The following ZBBX variants were observed in gnomAD, a reference collection of about 807,000 sequenced individuals.
The protein encoded by ZBBX is zinc finger B-box domain containing, also known as zinc finger B-box domain-containing protein 1.
Under a neutral mutation model 108.5 loss-of-function variants are expected in ZBBX, and 101 were observed. That is an observed-to-expected ratio of 0.93 (90% CI 0.79 to 1.10). The LOEUF is 1.10. Among genes scored for constraint, ZBBX ranks in the 50% least tolerant of loss-of-function variants. The pLI is 0.00. For missense variants in ZBBX, 1,009 were observed against 941.4 expected (o/e 1.07, Z -0.94); for synonymous variants, 356 against 323.4 (o/e 1.10, Z -1.08).
At position 167,350,474 on chromosome 3, in the gene ZBBX, A is replaced by C; in HGVS notation, c.474T>G (p.Phe158Leu). 6.3e-7 allele frequency: 1 copy of C among 1,596,964 alleles called. No individual in the cohort carries two copies. The highest frequency in any genetic ancestry group is 8.6e-7 in the Non-Finnish European group (1 of 1,169,336). The stretch of plus-strand genomic sequence containing the variant: ...GTGCCCCTTTCTGGTGAACTTTAGC[A>C]AAGCATCCTGAACAATAATCTTCTC... ...ECGEDYCSGC[F>L]AKVHQKGALK... The change falls in exon 9 of 22, where the codon TTT (phenylalanine) becomes TTG (leucine). Residue 158 changes from phenylalanine to leucine, a missense_variant. Transcript: ENST00000675490.
At chr3:167,186,608 T>C in the ZBBX span, among the ~76,000 whole-genome samples, 2 of 152,188 alleles carry the variant, frequency 1.3e-5, no homozygotes, top group African/African-American at 4.8e-5. Flanking sequence ...TTAATTCCTT[T>C]GCTTCAGAAG....
chr3:167,370,270 T>A (rs1262083372), intron 4 of ZBBX, among the ~76,000 whole-genome samples: 3 of 152,116 alleles, frequency 2.0e-5, no homozygotes, highest in African/African-American at 7.2e-5. Flanking sequence ...AAGATATAAT[T>A]AACAAGTTGG....
intron 9 of ZBBX, among the ~76,000 whole-genome samples, chr3:167,337,293 G>A (rs1739717612): frequency 6.6e-6 from 1 of 152,066 alleles, no homozygotes; most frequent in Non-Finnish European, 1.5e-5. Context: ...CGAGGTGGGA[G>A]GATCACTTGA....
the ZBBX span, among the ~76,000 whole-genome samples, chr3:167,213,034 T>C: frequency 7.0e-6 from 1 of 142,798 alleles, no homozygotes; most frequent in Non-Finnish European, 1.6e-5. Context: ...ATTATAAGTC[T>C]ATTGACTGGG....
intron 20 of ZBBX, among the ~76,000 whole-genome samples, chr3:167,271,459 G>GA: frequency 6.6e-6 from 1 of 152,020 alleles, no homozygotes; most frequent in Non-Finnish European, 1.5e-5. Flanking sequence ...CTCAGCCGTG[G>GA]AAAAAGAAAA....
chr3:167,332,665 T>G (rs747836679), intron 10 of ZBBX, among the ~76,000 whole-genome samples: 1 of 152,152 alleles, frequency 6.6e-6, no homozygotes, highest in Non-Finnish European at 1.5e-5. Flanking sequence ...ATGCCTAGCA[T>G]AAGGTGTTCA....
At chr3:167,187,310 G>A in the ZBBX span, among the ~76,000 whole-genome samples, 2 of 152,164 alleles carry the variant, frequency 1.3e-5, no homozygotes, top group Non-Finnish European at 2.9e-5. Flanking sequence ...CAGATTGGTG[G>A]TTCTACGTGA....
intron 20 of ZBBX, among the ~76,000 whole-genome samples, chr3:167,259,462 T>C (rs1724084925): frequency 6.6e-6 from 1 of 152,168 alleles, no homozygotes; most frequent in Non-Finnish European, 1.5e-5. Context: ...GTTCATTTGT[T>C]TCAATTTCAT....
In ZBBX at chr3:167,263,131, G is replaced by A. The variant is rs1358118157; in HGVS notation, c.2254+19107C>T. ...CAGCTCACTGCAACCTTCACCTCCT[G>A]GCTCAAGCAATTCTCCTGCCTCAGC... On this transcript the variant is annotated intron_variant, in intron 20 of 21. Coordinates refer to ENST00000675490, the MANE Select transcript of ZBBX (RefSeq NM_001199201.2). Among the ~76,000 whole-genome samples the A allele has an allele frequency of 4.7e-5, 7 of 148,482 alleles. No homozygotes were observed. In the Admixed American group the frequency reaches 4.8e-4, roughly 10 times the overall value.
At chr3:167,315,009 G>A (rs181705112) in intron 15 of ZBBX, among the ~76,000 whole-genome samples, 6 of 152,274 alleles carry the variant, frequency 3.9e-5, no homozygotes, top group Non-Finnish European at 7.3e-5. Context: ...CTGGTTCTGT[G>A]TGTCTAAACA....
At chr3:167,263,677 GA>G (rs1724974826) in intron 20 of ZBBX, among the ~76,000 whole-genome samples, 1 of 152,182 alleles carries the variant, frequency 6.6e-6, no homozygotes, top group African/African-American at 2.4e-5. Context: ...CAGAGGAGAA[GA>G]ATATGTATTC....
At chr3:167,246,344 A>G (rs1008071338) in intron 20 of ZBBX, among the ~76,000 whole-genome samples, 22 of 152,196 alleles carry the variant, frequency 1.4e-4, no homozygotes, top group Admixed American at 1.3e-3. Context: ...TTAATTTGTG[A>G]ACTATAAATC....
intron 18 of ZBBX, among the ~76,000 whole-genome samples, chr3:167,296,524 C>T (rs1338427064): frequency 6.6e-6 from 1 of 151,848 alleles, no homozygotes; most frequent in Non-Finnish European, 1.5e-5. Flanking sequence ...ATGAAATCAG[C>T]AAAGTAGTAG....
intron 2 of ZBBX, among the ~76,000 whole-genome samples, chr3:167,374,404 T>C (rs1201799881): frequency 1.3e-5 from 2 of 152,218 alleles, no homozygotes; most frequent in East Asian, 3.8e-4. Flanking sequence ...ATTTACTCTG[T>C]AATGCTGAAT....
At position 167,240,022 on chromosome 3, in the gene ZBBX, T is replaced by C. The variant is rs2108298902; in HGVS notation, c.*771A>G. ...ACCATCAGATCACATGAGAACTCAT[T>C]ATCACGAGAACAGCAGCATAGGGGT... On this transcript the variant is annotated 3_prime_UTR_variant, in exon 22 of 22. Coordinates refer to ENST00000675490, the MANE Select transcript of ZBBX (RefSeq NM_001199201.2). 6.6e-6 allele frequency among the ~76,000 whole-genome samples: 1 copy of C among 152,166 alleles called. No individual in the cohort carries two copies. Among genetic ancestry groups the C allele is most frequent in the African/African-American group, 2.4e-5 (1 of 41,530 alleles).
chr3:167,178,570 T>C, the ZBBX span, among the ~76,000 whole-genome samples: 1 of 152,126 alleles, frequency 6.6e-6, no homozygotes, highest in Non-Finnish European at 1.5e-5. Context: ...CTCAGGTTCC[T>C]CCCAGAATCT....
At chr3:167,180,037 AAAT>A in the ZBBX span, among the ~76,000 whole-genome samples, 1 of 152,208 alleles carries the variant, frequency 6.6e-6, no homozygotes, top group Non-Finnish European at 1.5e-5. Flanking sequence ...AATTTGATCC[AAAT>A]AAGAAGTCAA....
chr3:167,317,087 T>C lies in ZBBX; in HGVS notation c.1112A>G (p.Gln371Arg), dbSNP rs149665929. The C allele has an allele frequency of 4.7e-4, 754 of 1,608,982 alleles. No homozygotes were observed. Among genetic ancestry groups the C allele is most frequent in the Admixed American group, 8.1e-4 (48 of 59,532 alleles). The change falls in exon 14 of 22, where the codon CAA (glutamine) becomes CGA (arginine). Residue 371 changes from glutamine to arginine, a missense_variant. By Grantham distance (43) the Gln-to-Arg change is conservative. Transcript: ENST00000675490. ...EDSDGEETKVQHTALLLPVET... is the reference protein window; with the variant it reads ...EDSDGEETKVRHTALLLPVET... ...TACTGGCAATAAAAGAGCTGTGTGT[T>C]GTACTTTGGTCTCCTCACCTAGGAA...
Position 167,282,460 on chromosome 3 carries a change from G to C in ZBBX, c.2032C>G (p.Pro678Ala). ...KSQRPSTANF[P>A]LSNSVKESSS... ...CTTTCTTTAACAGAGTTGGAAAGTG[G>C]AAAATTTGCTGTTGAAGGTCTCTGT... Residue 678 changes from proline (P) to alanine (A), a missense_variant, in exon 20 of 22, where the codon CCA becomes GCA. Transcript: ENST00000675490. The C allele has an allele frequency of 6.2e-7, 1 of 1,613,248 alleles. No homozygotes were observed. Among genetic ancestry groups the C allele is most frequent in the East Asian group, 2.2e-5 (1 of 44,850 alleles).
Sources: allele counts gnomAD v4.1 joint callset (sites outside exome capture counted in the v4.1 genomes callset), GRCh38; gene constraint gnomAD v4.1.1; transcripts MANE v1.5; gene names NCBI Gene and HGNC (gene_info 2026-07-23, HGNC 2026-07-21).